Variants in RAP1GDS1 observed in about 807,000 individuals in gnomAD.
The protein encoded by RAP1GDS1 is Rap1 GTPase-GDP dissociation stimulator 1.
In RAP1GDS1, 35 loss-of-function variants were observed where a neutral mutation model predicts 71.1. The observed-to-expected ratio is 0.49, with a 90% CI of 0.38 to 0.65. The LOEUF is 0.65. Among genes scored for constraint, RAP1GDS1 ranks in the 30% least tolerant of loss-of-function variants. RAP1GDS1 has a pLI of 0.00. For synonymous variants in RAP1GDS1, 229 were observed against 243.1 expected (o/e 0.94, Z 0.54); for missense variants, 663 against 706.1 (o/e 0.94, Z 0.69).
chr4:98,374,783 A>T (rs1017105649), intron 4 of RAP1GDS1, among the ~76,000 whole-genome samples: 1 of 151,964 alleles, frequency 6.6e-6, no homozygotes, highest in Non-Finnish European at 1.5e-5. Flanking sequence ...GTGCTGGAGG[A>T]CTTTCCTTAG....
At chr4:98,330,242 A>G (rs1450372097) in intron 2 of RAP1GDS1, among the ~76,000 whole-genome samples, 1 of 152,240 alleles carries the variant, frequency 6.6e-6, no homozygotes, top group Admixed American at 6.5e-5. Flanking sequence ...CACAGTAACA[A>G]TCTGATCTCT....
chr4:98,336,657 A>G, intron 2 of RAP1GDS1, among the ~76,000 whole-genome samples: 1 of 152,120 alleles, frequency 6.6e-6, no homozygotes, highest in Non-Finnish European at 1.5e-5. Flanking sequence ...TGTTTATTTA[A>G]GATCCTCAAT....
In RAP1GDS1 at chr4:98,302,977, C is replaced by T. The variant is rs57192422; in HGVS notation, c.112+9462C>T. On this transcript the variant is annotated intron_variant, in intron 2 of 14. Coordinates refer to ENST00000408927, the MANE Select transcript of RAP1GDS1 (RefSeq NM_001100427.2). ...ATGAGAATTGCTTGAGCCCGGGAGA[C>T]GGAGGTTGCAGTGAGCAGAGATTGC... 4.9e-3 allele frequency among the ~76,000 whole-genome samples: 747 copies of T among 151,016 alleles called. 5 individuals carry two copies. Among genetic ancestry groups the T allele is most frequent in the African/African-American group, 0.015 (616 of 41,088 alleles).
chr4:98,360,628 GTTTTGTTTACAT>G (rs1040942075), intron 4 of RAP1GDS1, among the ~76,000 whole-genome samples: 1 of 151,946 alleles, frequency 6.6e-6, no homozygotes, highest in Non-Finnish European at 1.5e-5. Flanking sequence ...TTTTAATAGG[GTTTTGTTTACAT>G]TTTTAAAATT....
chr4:98,268,434 T>G (rs901991285), intron 1 of RAP1GDS1, among the ~76,000 whole-genome samples: 1 of 152,090 alleles, frequency 6.6e-6, no homozygotes, highest in Non-Finnish European at 1.5e-5. Context: ...CTCTTGCCAC[T>G]GCTATTTAAG....
intron 1 of RAP1GDS1, among the ~76,000 whole-genome samples, chr4:98,279,785 T>C (rs1724784846): frequency 6.6e-6 from 1 of 152,042 alleles, no homozygotes; most frequent in South Asian, 2.1e-4. Context: ...CAGGCCCCCG[T>C]GTGTGATGTT....
intron 2 of RAP1GDS1, among the ~76,000 whole-genome samples, chr4:98,340,794 T>C (rs1020222230): frequency 2.6e-5 from 4 of 151,742 alleles, no homozygotes; most frequent in East Asian, 1.9e-4. Flanking sequence ...TATGTAAATA[T>C]ATATATAAAA....
chr4:98,327,271 AT>A (rs1402455639), intron 2 of RAP1GDS1, among the ~76,000 whole-genome samples: 2 of 152,100 alleles, frequency 1.3e-5, no homozygotes, highest in African/African-American at 4.8e-5. Flanking sequence ...ATGTGCCATG[AT>A]AAACTATGCA....
At chr4:98,301,830 C>G (rs1356902320) in intron 2 of RAP1GDS1, among the ~76,000 whole-genome samples, 1 of 152,038 alleles carries the variant, frequency 6.6e-6, no homozygotes, top group Non-Finnish European at 1.5e-5. Context: ...GAGTTGTTCA[C>G]CTTTATATAC....
chr4:98,357,328 A>G (rs1239537359), intron 4 of RAP1GDS1, among the ~76,000 whole-genome samples: 1 of 151,964 alleles, frequency 6.6e-6, no homozygotes, highest in Non-Finnish European at 1.5e-5. Context: ...TAAGTAGCGT[A>G]AAAATAAGAT....
chr4:98,400,882 A>C (rs556926977), intron 6 of RAP1GDS1, among the ~76,000 whole-genome samples: 1 of 152,318 alleles, frequency 6.6e-6, no homozygotes, highest in East Asian at 1.9e-4. Context: ...ATGACTTCCA[A>C]CATAGAATCC....
intron 7 of RAP1GDS1, among the ~76,000 whole-genome samples, chr4:98,407,527 A>G (rs1746311464): frequency 2.6e-5 from 4 of 151,140 alleles, no homozygotes; most frequent in Admixed American, 2.6e-4. Flanking sequence ...AAAGAATGAA[A>G]TAATGTCTTT....
Position 98,417,475 on chromosome 4 carries a change from C to T in RAP1GDS1, c.1016C>T (p.Ala339Val). ...CAGCTACAGCTTGCTGGAGCATTGG[C>T]AATTGCAAATTTTGCCAGAAATGGT... Reference protein sequence around the residue: ...NHQLQLAGALAIANFARNDAN... With the variant: ...NHQLQLAGALVIANFARNDAN... The change falls in exon 9 of 15, where the codon GCA becomes GTA. Residue 339 changes from alanine to valine, a missense_variant. Ala to Val is a moderately conservative substitution (Grantham distance 64, BLOSUM62 0). Coordinates refer to ENST00000408927, the MANE Select transcript of RAP1GDS1 (RefSeq NM_001100427.2). The T allele has an allele frequency of 6.2e-7, 1 of 1,613,846 alleles. No homozygotes were observed. The highest frequency in any genetic ancestry group is 8.5e-7 in the Non-Finnish European group (1 of 1,179,826).
chr4:98,293,692 C>T (rs534921857), intron 2 of RAP1GDS1, among the ~76,000 whole-genome samples, 177 bp downstream of exon 2: 43 of 152,124 alleles, frequency 2.8e-4, no homozygotes, highest in African/African-American at 1.0e-3. Context: ...TCCCTCCACG[C>T]CCCCGCAAGA....
rs369848396 is a variant in RAP1GDS1, at chr4:98,282,338, G to A, written c.5-11070G>A. 7.2e-5 allele frequency among the ~76,000 whole-genome samples: 11 copies of A among 152,260 alleles called. No individual in the cohort carries two copies. In the South Asian group the frequency reaches 1.5e-3, roughly 20 times the overall value. ...CAGCTCCTTCCTTGTTTAGTCTTGG[G>A]AGGGTGTATGTGTCCAGGAATTTAT... On this transcript the variant is annotated intron_variant, in intron 1 of 14. Transcript: ENST00000408927.
intron 5 of RAP1GDS1, among the ~76,000 whole-genome samples, chr4:98,390,077 A>G (rs1481967241): frequency 6.6e-6 from 1 of 152,218 alleles, no homozygotes; most frequent in Non-Finnish European, 1.5e-5. Context: ...GAATACATAT[A>G]TAAATAAAAA....
intron 2 of RAP1GDS1, among the ~76,000 whole-genome samples, chr4:98,339,600 G>T (rs1196295011): frequency 6.6e-6 from 1 of 151,798 alleles, no homozygotes; most frequent in African/African-American, 2.4e-5. Context: ...CATTCATTTG[G>T]ACATGGAATC....
At chr4:98,329,085 G>A (rs1733561513) in intron 2 of RAP1GDS1, among the ~76,000 whole-genome samples, 1 of 152,036 alleles carries the variant, frequency 6.6e-6, no homozygotes, top group Admixed American at 6.6e-5. Context: ...TCAAAGCCTT[G>A]GTAACACAAC....
At chr4:98,346,500 ACCT>A (rs1736287775) in intron 3 of RAP1GDS1, among the ~76,000 whole-genome samples, 1 of 152,056 alleles carries the variant, frequency 6.6e-6, no homozygotes, top group Non-Finnish European at 1.5e-5. Context: ...CTTAAAGTAT[ACCT>A]CGAGACCTCA....
Sources: allele counts gnomAD v4.1 joint callset (sites outside exome capture counted in the v4.1 genomes callset), GRCh38; gene constraint gnomAD v4.1.1; transcripts MANE v1.5; gene names NCBI Gene and HGNC (gene_info 2026-07-23, HGNC 2026-07-21).